SAMD14: variants seen among roughly 807,000 people sequenced by gnomAD.
The protein encoded by SAMD14 is sterile alpha motif domain-containing protein 14.
In SAMD14, 27 loss-of-function variants were observed where a neutral mutation model predicts 46.2. That is an observed-to-expected ratio of 0.58 (90% CI 0.43 to 0.81). The LOEUF (loss-of-function observed/expected upper bound fraction) is 0.81. SAMD14 is among the 30% of genes least tolerant of loss of function. The pLI, the probability that SAMD14 is intolerant of heterozygous loss-of-function variation, is 0.00. For synonymous variants in SAMD14, 241 were observed against 254.3 expected, an observed-to-expected ratio of 0.95 and a Z score of 0.50; for missense variants, 559 against 582.2, an observed-to-expected ratio of 0.96 and a Z score of 0.41.
At position 50,124,923 on chromosome 17, in the gene SAMD14, C is replaced by T; in HGVS notation, c.37G>A (p.Val13Ile). The T allele has an allele frequency of 6.2e-7, 1 of 1,614,022 alleles. No individual in the cohort carries two copies. The highest frequency in any genetic ancestry group is 8.5e-7 in the Non-Finnish European group (1 of 1,179,984). ...SSKLREPVDE[V>I]FDLDLAVPET... ...AGAGCCACACAGAACTTACCAAAAA[C>T]TTCATCCACGGGTTCTCGGAGCTTT... Residue 13 changes from valine to isoleucine, a missense_variant, in exon 2 of 10, where the codon GTT (valine) becomes ATT (isoleucine). Val to Ile is a conservative substitution (Grantham distance 29). Transcript: ENST00000330175.
chr17:50,117,247 G>C (rs1911252934), intron 4 of SAMD14, among the ~76,000 whole-genome samples, 160 bp downstream of exon 4: 1 of 152,254 alleles, frequency 6.6e-6, no homozygotes. Context: ...GCACTTAGTA[G>C]GCGCTCGGTA....
At chr17:50,117,210 T>G (rs1188750411) in intron 4 of SAMD14, among the ~76,000 whole-genome samples, 197 bp downstream of exon 4, 2 of 152,244 alleles carry the variant, frequency 1.3e-5, no homozygotes, top group African/African-American at 4.8e-5. Flanking sequence ...TTTGCTCACC[T>G]GGGTGTCCCA....
chr17:50,115,643 G>A lies in SAMD14; in HGVS notation c.743C>T (p.Ser248Leu). ...GGAGGTGGTGCTACCCGAGGATGCT[G>A]AGCCCTTGCCGCTGTCCGTGAACCA... ...FSWFTDSGKGSASSGSTTSPT... is the reference protein window; with the variant it reads ...FSWFTDSGKGLASSGSTTSPT... The change falls in exon 7 of 10, where the codon TCA becomes TTA. Residue 248 changes from serine (S) to leucine (L), a missense_variant. Coordinates refer to ENST00000330175, the MANE Select transcript of SAMD14 (RefSeq NM_001257359.2). This position sits in a 1 kb window ranked among gnomAD's most constrained non-coding sequence, Gnocchi z 5.3. The A allele has an allele frequency of 6.2e-7, 1 of 1,608,098 alleles. No homozygotes were observed. The highest frequency in any genetic ancestry group is 8.5e-7 in the Non-Finnish European group (1 of 1,176,242).
intron 2 of SAMD14, 52 bp downstream of exon 2, chr17:50,124,865 A>C (rs1911695183): frequency 3.2e-6 from 5 of 1,583,812 alleles, no homozygotes; most frequent in East Asian, 4.5e-5. Context: ...CCAGGAAGGA[A>C]GTACTCTATG....
At chr17:50,124,771 G>GCGCGCACACACACACACACA (rs71353620) in intron 2 of SAMD14, 146 bp downstream of exon 2, 11 of 569,596 alleles carry the variant, frequency 1.9e-5, no homozygotes, top group Non-Finnish European at 3.5e-5. Flanking sequence ...ACGCGCGCGC[G>GCGCGCACACACACACACACA]CACACACACA....
At chr17:50,127,892 G>A (rs981891890) in intron 1 of SAMD14, among the ~76,000 whole-genome samples, 2 of 152,182 alleles carry the variant, frequency 1.3e-5, no homozygotes, top group East Asian at 3.9e-4. Flanking sequence ...GCTGTCCTAG[G>A]TAGCCCTCCC....
At chr17:50,122,044 T>C (rs760327432) in intron 2 of SAMD14, among the ~76,000 whole-genome samples, 4 of 152,226 alleles carry the variant, frequency 2.6e-5, no homozygotes, top group Non-Finnish European at 5.9e-5. Context: ...GTCTGTGGGA[T>C]CAACTGAATT....
chr17:50,123,840 G>A (rs1283863618), intron 2 of SAMD14, among the ~76,000 whole-genome samples: 1 of 152,126 alleles, frequency 6.6e-6, no homozygotes. Context: ...TGGGGAGTAG[G>A]GGCAGAAAAG....
chr17:50,124,425 G>A (rs1911649620), intron 2 of SAMD14, among the ~76,000 whole-genome samples: 1 of 152,134 alleles, frequency 6.6e-6, no homozygotes. Context: ...TGGAGGTAAC[G>A]TGTGTCATCT....
Position 50,110,466 on chromosome 17 carries a change from A to G in SAMD14, c.*2427T>C, listed in dbSNP as rs914278341. On this transcript the variant is annotated 3_prime_UTR_variant, in exon 10 of 10. Coordinates refer to ENST00000330175, the MANE Select transcript of SAMD14 (RefSeq NM_001257359.2). ...CACCCTCCACAGCACAGGCCTTCCA[A>G]GTGGATGTCCCGTTGCCTTATTCCC... 7 of 169,086 alleles carry G rather than the reference A, an allele frequency of 4.1e-5. No homozygotes were observed. The highest frequency in any genetic ancestry group is 1.7e-4 in the African/African-American group (7 of 42,170). 10.5% of individuals were successfully genotyped at this position (169,086 alleles called of 1,614,324 possible).
rs1910844779 is a variant in SAMD14 at position 50,111,528 on chromosome 17, AGGG to A, written c.*1362_*1364del. ...CAGCACAGATAGCAGAGGGGGGATA[AGGG>A]CTGAGTCCCAGGTACAGGGTGCTGG... On this transcript the variant is annotated 3_prime_UTR_variant, in exon 10 of 10. Coordinates refer to ENST00000330175, the MANE Select transcript of SAMD14 (RefSeq NM_001257359.2). 6.6e-6 allele frequency: 1 copy of A among 152,218 alleles called. No individual in the cohort carries two copies. Among genetic ancestry groups the A allele is most frequent in the East Asian group, 1.9e-4 (1 of 5,182 alleles). The allele number at this position is 152,218 out of a possible 1,614,324, so 9.4% of individuals were successfully genotyped here. A position where few individuals can be genotyped will look rare whatever the true frequency, so the allele number is the denominator to read the frequency against.
rs999715000 is a variant in SAMD14 at position 50,114,002 on chromosome 17, C to T, written c.1020G>A (p.Leu340=). 3.1e-6 allele frequency: 5 copies of T among 1,613,564 alleles called. No homozygotes were observed. In the African/African-American group the frequency reaches 5.3e-5, roughly 17 times the overall value. Residue 340 remains leucine (L), a synonymous_variant, in exon 9 of 10, where the codon CTG becomes CTA. Coordinates refer to ENST00000330175, the MANE Select transcript of SAMD14 (RefSeq NM_001257359.2). ...CAGCAAACTCAGCAGCATACTGTTC[C>T]AGGTTGAGGCTCTGCAGCCACTGGC... ...QVGQWLQSLN[L]EQYAAEFAAR...
chr17:50,110,146 C>G lies in SAMD14; in HGVS notation c.*2747G>C. 6 of 1,523,256 alleles carry G rather than the reference C, an allele frequency of 3.9e-6. No homozygotes were observed. In the African/African-American group the frequency reaches 6.8e-5, roughly 17 times the overall value. 94.4% of individuals were successfully genotyped at this position (1,523,256 alleles called of 1,614,324 possible). A position where few individuals can be genotyped will look rare whatever the true frequency, so the allele number is the denominator to read the frequency against. On this transcript the variant is annotated 3_prime_UTR_variant, in exon 10 of 10. Transcript: ENST00000330175. ...AGAGGACGGACTGCCGCCTCTGGGTCCCCCCACCGTGGTGCCCCTCACCAT... is the reference window on the plus strand; with the variant it reads ...AGAGGACGGACTGCCGCCTCTGGGTGCCCCCACCGTGGTGCCCCTCACCAT...
At position 50,114,005 on chromosome 17, in the gene SAMD14, G is replaced by A. The variant is rs1032099188; in HGVS notation, c.1017C>T (p.Asn339=). 6.2e-7 allele frequency: 1 copy of A among 1,613,692 alleles called. No homozygotes were observed. Among genetic ancestry groups the A allele is most frequent in the Non-Finnish European group, 8.5e-7 (1 of 1,180,028 alleles). Residue 339 remains asparagine (N), a synonymous_variant, in exon 9 of 10, where the codon AAC becomes AAT. Coordinates refer to ENST00000330175, the MANE Select transcript of SAMD14 (RefSeq NM_001257359.2). The stretch of plus-strand genomic sequence containing the variant: ...CAAACTCAGCAGCATACTGTTCCAG[G>A]TTGAGGCTCTGCAGCCACTGGCCCA... ...QQVGQWLQSL[N]LEQYAAEFAA...
Position 50,117,519 on chromosome 17 carries a change from C to T in SAMD14, c.387G>A (p.Ala129=). ...AGGCGGCGGCCAGGCCCTCGTGCGA[C>T]GCAGCGTTGTGCAGGGGCCGGTAGC... ...LTRYRPLHNA[A]SHEGLAAASC... Residue 129 remains alanine, a synonymous_variant, in exon 4 of 10, where the codon GCG becomes GCA. Transcript: ENST00000330175. The T allele has an allele frequency of 4.6e-6, 7 of 1,510,528 alleles. No homozygotes were observed. Among genetic ancestry groups the T allele is most frequent in the Non-Finnish European group, 6.1e-6 (7 of 1,139,922 alleles). The allele number at this position is 1,510,528 out of a possible 1,614,324, so 93.6% of individuals were successfully genotyped here.
intron 2 of SAMD14, among the ~76,000 whole-genome samples, chr17:50,120,510 C>T (rs1304020720): frequency 6.6e-6 from 1 of 152,218 alleles, no homozygotes; most frequent in Non-Finnish European, 1.5e-5. Flanking sequence ...ATTTTCAACA[C>T]AGCAGCCAGA....
At chr17:50,126,632 G>A (rs1478797740) in intron 1 of SAMD14, among the ~76,000 whole-genome samples, 4 of 152,046 alleles carry the variant, frequency 2.6e-5, no homozygotes, top group Admixed American at 2.6e-4. Context: ...CCACTTTACA[G>A]ATACATATCG....
chr17:50,125,116 G>T, intron 1 of SAMD14, 145 bp from the exon 2 acceptor site: 1 of 694,608 alleles, frequency 1.4e-6, no homozygotes, highest in Non-Finnish European at 2.4e-6. Context: ...CTGTCCCCTG[G>T]AAGAGAAGCC....
In SAMD14 at chr17:50,129,364, G is replaced by C. The variant is rs1911927130; in HGVS notation, c.-13+153C>G. 6.6e-6 allele frequency among the ~76,000 whole-genome samples: 1 copy of C among 152,124 alleles called. No individual in the cohort carries two copies. Among genetic ancestry groups the C allele is most frequent in the Non-Finnish European group, 1.5e-5 (1 of 68,006 alleles). On this transcript the variant is annotated intron_variant, in intron 1 of 9. Transcript: ENST00000330175. The surrounding 1 kb of genome is among the most constrained non-coding windows in gnomAD (Gnocchi z 5.6). ...CCTATCTCCGCCCCCTCCCCTGACA[G>C]CCCGGCACCCCAGCCCCGTGCGGTC...
Sources: allele counts gnomAD v4.1 joint callset (sites outside exome capture counted in the v4.1 genomes callset), GRCh38; gene constraint gnomAD v4.1.1; non-coding constraint Gnocchi (gnomAD v3.1); transcripts MANE v1.5; gene names NCBI Gene and HGNC (gene_info 2026-07-23, HGNC 2026-07-21).